The following NELL1 variants were observed in gnomAD, a reference collection of about 807,000 sequenced individuals.
NELL1 encodes protein kinase C-binding protein NELL1.
A neutral mutation model predicts 107.4 loss-of-function variants in NELL1; 76 were observed. The observed-to-expected ratio is 0.71, with a 90% CI of 0.59 to 0.86. The LOEUF is 0.86. NELL1 is among the 40% of genes least tolerant of loss of function. The pLI is 0.00. For synonymous variants in NELL1, 353 were observed against 341.2 expected, an observed-to-expected ratio of 1.03 and a Z score of -0.38; for missense variants, 1,024 against 1,005.5, an observed-to-expected ratio of 1.02 and a Z score of -0.25.
At chr11:21,036,084 A>G (rs112871298) in intron 12 of NELL1, among the ~76,000 whole-genome samples, 1 of 152,088 alleles carries the variant, frequency 6.6e-6, no homozygotes, top group African/African-American at 2.4e-5. Flanking sequence ...GTTACTATGC[A>G]CCAACAACAG....
chr11:21,394,033 G>A (rs768792549), intron 15 of NELL1, among the ~76,000 whole-genome samples: 62 of 151,650 alleles, frequency 4.1e-4, no homozygotes, highest in Non-Finnish European at 2.5e-4. Flanking sequence ...TATTAGAAAC[G>A]GAAATCAGAT....
intron 14 of NELL1, among the ~76,000 whole-genome samples, chr11:21,234,090 T>C (rs1435634480): frequency 1.3e-5 from 2 of 152,144 alleles, no homozygotes; most frequent in Non-Finnish European, 2.9e-5. Flanking sequence ...TTACCCAAAA[T>C]ACAGAGCTAT....
chr11:21,464,343 T>C (rs1853971557), intron 15 of NELL1, among the ~76,000 whole-genome samples: 1 of 151,492 alleles, frequency 6.6e-6, no homozygotes, highest in Non-Finnish European at 1.5e-5. Flanking sequence ...AAATATATAT[T>C]GCTTCTTTAG....
chr11:21,055,947 T>G (rs962267324), intron 12 of NELL1, among the ~76,000 whole-genome samples: 10 of 152,290 alleles, frequency 6.6e-5, no homozygotes, highest in African/African-American at 2.4e-4. Flanking sequence ...TCTGTATACT[T>G]TGGAGTATTA....
Position 20,814,144 on chromosome 11 carries a change from C to T in NELL1, c.335+30314C>T, listed in dbSNP as rs553313062. ...CCGAGTAGTTGGGACTACAGGCGCA[C>T]ACCGCCACGCCCGGCTAATTTTTGC... On this transcript the variant is annotated intron_variant, in intron 3 of 19. Coordinates refer to ENST00000357134, the MANE Select transcript of NELL1 (RefSeq NM_006157.5). Among the ~76,000 whole-genome samples the T allele has an allele frequency of 1.9e-3, 9 of 4,860 alleles. No homozygotes were observed. The East Asian group carries it at 0.36, about 193-fold the overall frequency. 3.2% of individuals were successfully genotyped at this position (4,860 alleles called of 152,430 possible).
intron 15 of NELL1, among the ~76,000 whole-genome samples, chr11:21,455,317 A>AT (rs1853699138): frequency 4.1e-4 from 26 of 63,538 alleles, no homozygotes; most frequent in Admixed American, 1.0e-3. Flanking sequence ...TTTTTCTTTT[A>AT]TTCTTTTTTT....
Position 20,882,821 on chromosome 11 carries a change from C to T in NELL1, c.507-2623C>T, listed in dbSNP as rs905574362. Reference sequence around the variant, plus strand: ...GCATCTAATCCAGGATCCCATCTTGCGTATAGCTTTTATGTCTTTTTAAAG... The same window carrying T: ...GCATCTAATCCAGGATCCCATCTTGTGTATAGCTTTTATGTCTTTTTAAAG... On this transcript the variant is annotated intron_variant, in intron 4 of 19. Transcript: ENST00000357134. 2.6e-4 allele frequency among the ~76,000 whole-genome samples: 40 copies of T among 152,140 alleles called. 1 individual carries two copies. The highest frequency in any genetic ancestry group is 2.0e-3 in the Admixed American group (31 of 15,276).
intron 13 of NELL1, among the ~76,000 whole-genome samples, chr11:21,181,501 A>G (rs2133824284): frequency 6.6e-6 from 1 of 152,030 alleles, no homozygotes; most frequent in Admixed American, 6.5e-5. Flanking sequence ...GGCAGAAATG[A>G]GATTGGAATC....
intron 9 of NELL1, among the ~76,000 whole-genome samples, chr11:20,934,952 C>G (rs1435668513): frequency 7.9e-5 from 12 of 152,132 alleles, no homozygotes; most frequent in Admixed American, 7.2e-4. Context: ...ATTAATTCTC[C>G]ATTTTTTTGG....
At chr11:21,569,664 G>A (rs1372811675) in intron 17 of NELL1, among the ~76,000 whole-genome samples, 1 of 151,808 alleles carries the variant, frequency 6.6e-6, no homozygotes, top group Non-Finnish European at 1.5e-5. Flanking sequence ...AGTGTTTGGA[G>A]TTCTGTTATT....
chr11:21,120,512 T>C (rs77288305), intron 13 of NELL1, among the ~76,000 whole-genome samples: 59 of 152,248 alleles, frequency 3.9e-4, no homozygotes, highest in African/African-American at 1.4e-3. Context: ...GCCCATACCA[T>C]GTACTTGTGT....
At chr11:20,793,813 G>A (rs905668514) in intron 3 of NELL1, among the ~76,000 whole-genome samples, 3 of 150,582 alleles carry the variant, frequency 2.0e-5, no homozygotes, top group South Asian at 2.1e-4. Flanking sequence ...TTAATTGAGG[G>A]CATAAAATAT....
At chr11:20,969,662 T>TA (rs35196698) in intron 12 of NELL1, among the ~76,000 whole-genome samples, 24,366 of 151,040 alleles carry the variant, frequency 0.16, 2,282 homozygotes, top group East Asian at 0.25. Context: ...AGTGATGTAG[T>TA]AAAGAACAAA....
chr11:20,988,651 C>G (rs995684946), intron 12 of NELL1, among the ~76,000 whole-genome samples: 1 of 151,478 alleles, frequency 6.6e-6, no homozygotes, highest in African/African-American at 2.4e-5. Flanking sequence ...AGTGCAGTGG[C>G]ATGATCTTGA....
chr11:20,752,264 C>T (rs1039535045), intron 2 of NELL1, among the ~76,000 whole-genome samples: 5 of 152,042 alleles, frequency 3.3e-5, no homozygotes, highest in African/African-American at 1.2e-4. Context: ...AAAATAAAAT[C>T]CTTGGCCAGG....
intron 2 of NELL1, among the ~76,000 whole-genome samples, chr11:20,752,167 C>T (rs72942783): frequency 0.035 from 5,242 of 151,932 alleles, 296 homozygotes; most frequent in African/African-American, 0.12. Flanking sequence ...AATATTTCAT[C>T]AAGTCTGATG....
intron 15 of NELL1, among the ~76,000 whole-genome samples, chr11:21,380,043 G>A (rs1455369460): frequency 1.3e-5 from 2 of 152,048 alleles, no homozygotes; most frequent in South Asian, 4.1e-4. Flanking sequence ...AGGGCATCTG[G>A]GGGGAGAATG....
intron 13 of NELL1, chr11:21,170,238 G>T: frequency 2.4e-6 from 1 of 422,706 alleles, no homozygotes; most frequent in Non-Finnish European, 4.3e-6. Flanking sequence ...TTGTCCTCTT[G>T]GTTCATAACT....
intron 13 of NELL1, among the ~76,000 whole-genome samples, chr11:21,197,091 G>A (rs1374881250): frequency 6.6e-6 from 1 of 151,438 alleles, no homozygotes; most frequent in African/African-American, 2.4e-5. Context: ...ATTGGCTAGG[G>A]TGGTCTCAAA....
Sources: gnomAD v4.1 joint callset for allele counts (sites outside exome capture counted in the v4.1 genomes callset) on GRCh38, gnomAD v4.1.1 for gene constraint, MANE v1.5 for transcripts, NCBI Gene and HGNC (gene_info 2026-07-23, HGNC 2026-07-21) for gene names.